The following ZNF532 variants were observed in gnomAD, a reference collection of about 807,000 sequenced individuals.
ZNF532 encodes the protein zinc finger protein 532.
Under a neutral mutation model 89.3 loss-of-function variants are expected in ZNF532, and 22 were observed. The ratio of observed to expected loss-of-function variants is 0.25; its 90% CI spans 0.18 to 0.35. ZNF532 has a LOEUF of 0.35. ZNF532 is among the 10% of genes least tolerant of loss of function. The pLI, the probability that ZNF532 is intolerant of heterozygous loss-of-function variation, is 1.00. For synonymous variants in ZNF532, 606 were observed against 649.6 expected (o/e 0.93, Z 1.02); for missense variants, 1,132 against 1,643.4 (o/e 0.69, Z 5.38).
chr18:58,918,025 G>T (rs1476388099), intron 2 of ZNF532, among the ~76,000 whole-genome samples: 1 of 152,134 alleles, frequency 6.6e-6, no homozygotes, highest in African/African-American at 2.4e-5. Flanking sequence ...TGTTAGCTGG[G>T]AGCCACGCTG....
At position 58,985,763 on chromosome 18, in the gene ZNF532, G is replaced by A. The variant is rs948049874; in HGVS notation, c.*1297G>A. The A allele has an allele frequency of 8.7e-6, 1 of 114,526 alleles. No individual in the cohort carries two copies. The highest frequency in any genetic ancestry group is 3.4e-5 in the African/African-American group (1 of 29,032). The allele number at this position is 114,526 out of a possible 1,614,324, so 7.1% of individuals were successfully genotyped here. On this transcript the variant is annotated 3_prime_UTR_variant, in exon 10 of 10. Coordinates refer to ENST00000591808, the MANE Select transcript of ZNF532 (RefSeq NM_001375912.1). ...TTGTATTTATCCCTGAACATGTTTT[G>A]TACCTTTTTTTTTTTTTTTTTTAAG...
rs2068240448 is a variant in ZNF532, at chr18:58,984,815, T to C, written c.*349T>C. On this transcript the variant is annotated 3_prime_UTR_variant, in exon 10 of 10. Transcript: ENST00000591808. ...CTTAGTAACAGGGGCAGTTCCTGAA[T>C]TCAAATAAACCATTTTGTATGTTTG... The C allele has an allele frequency of 5.8e-6, 1 of 171,218 alleles. No individual in the cohort carries two copies. The highest frequency in any genetic ancestry group is 1.3e-5 in the Non-Finnish European group (1 of 78,806). The allele number at this position is 171,218 out of a possible 1,614,324, so 10.6% of individuals were successfully genotyped here.
At chr18:58,981,250 A>G (rs558819972) in intron 8 of ZNF532, 22 of 566,482 alleles carry the variant, frequency 3.9e-5, no homozygotes, top group Non-Finnish European at 6.6e-5. Context: ...ACTTCTTTTG[A>G]AATGCAATAT....
intron 2 of ZNF532, among the ~76,000 whole-genome samples, chr18:58,869,474 A>G (rs966579789): frequency 2.0e-5 from 3 of 152,372 alleles, no homozygotes; most frequent in Non-Finnish European, 4.4e-5. Flanking sequence ...AACATTTGGC[A>G]GTCTAATTTT....
intron 6 of ZNF532, among the ~76,000 whole-genome samples, chr18:58,950,861 C>T (rs894837092): frequency 6.6e-6 from 1 of 152,198 alleles, no homozygotes; most frequent in African/African-American, 2.4e-5. Context: ...CCAGGCTGAA[C>T]CTCTGGTCTC....
In ZNF532 at chr18:58,981,493, C is replaced by T; in HGVS notation, c.3287C>T (p.Thr1096Ile). Residue 1096 changes from threonine to isoleucine, a missense_variant, in exon 9 of 10, where the codon ACC becomes ATC. Thr to Ile is a moderately conservative substitution (Grantham distance 89). Around this residue, in one of 9 missense-constraint regions of ZNF532, gnomAD observed 415 missense variants for 604.8 expected, o/e 0.69. Transcript: ENST00000591808. ...ACSHCPDSRR[T>I]FTKRLMLEKH... ...AGGCACTGCCCAGACTCCAGACGTA[C>T]CTTTACCAAACGTTTGATGCTGGAG... The T allele has an allele frequency of 6.2e-7, 1 of 1,613,388 alleles. No homozygotes were observed. Among genetic ancestry groups the T allele is most frequent in the Non-Finnish European group, 8.5e-7 (1 of 1,179,954 alleles).
At chr18:58,923,526 C>G (rs1312636782) in intron 3 of ZNF532, among the ~76,000 whole-genome samples, 2 of 152,044 alleles carry the variant, frequency 1.3e-5, no homozygotes, top group South Asian at 4.2e-4. Context: ...ATCCTAGCCT[C>G]CACATGTGGC....
chr18:58,868,468 G>A (rs539082229), intron 2 of ZNF532, among the ~76,000 whole-genome samples: 85 of 152,188 alleles, frequency 5.6e-4, no homozygotes, highest in African/African-American at 1.8e-3. Context: ...TCCTCTTGCC[G>A]CCCCTCTGTA....
At position 58,934,416 on chromosome 18, in the gene ZNF532, C is replaced by G. The variant is rs1428900031; in HGVS notation, c.2347-17C>G. ...ACTTAGTAGGACCAACCCTGTTTCC[C>G]CCTTTGGTTTGTTTAGAAGACTTGC... On this transcript the variant is annotated splice_polypyrimidine_tract_variant and intron_variant, in intron 3 of 9. Transcript: ENST00000591808. The G allele has an allele frequency of 1.9e-6, 3 of 1,608,788 alleles. No homozygotes were observed. Among genetic ancestry groups the G allele is most frequent in the African/African-American group, 2.7e-5 (2 of 74,804 alleles).
At chr18:58,874,841 ATGTT>A (rs1731843378) in intron 2 of ZNF532, among the ~76,000 whole-genome samples, 1 of 152,048 alleles carries the variant, frequency 6.6e-6, no homozygotes, top group Non-Finnish European at 1.5e-5. Context: ...TTCGCTTCCC[ATGTT>A]TGTTTGACCA....
At chr18:58,881,428 C>T (rs1188402684) in intron 2 of ZNF532, among the ~76,000 whole-genome samples, 1 of 152,194 alleles carries the variant, frequency 6.6e-6, no homozygotes, top group Non-Finnish European at 1.5e-5. Flanking sequence ...CCACTGCACC[C>T]AGCCTGTTTT....
intron 6 of ZNF532, among the ~76,000 whole-genome samples, chr18:58,952,121 G>A (rs1002415868): frequency 2.0e-5 from 3 of 152,356 alleles, no homozygotes. Context: ...TTGAGAAAAT[G>A]TGATGGAGAG....
At position 58,953,709 on chromosome 18, in the gene ZNF532, G is replaced by A. The variant is rs2064454589; in HGVS notation, c.3060G>A (p.Val1020=). The change falls in exon 7 of 10, where the codon GTG becomes GTA. Residue 1020 remains valine, a synonymous_variant. Transcript: ENST00000591808. ...AAAAATCAATGGAAACCAAGAAAGT[G>A]GCCAGTCCTGGGTGGACGTGTTGGG... is the stretch of plus-strand genomic sequence containing the variant. ...PVKKSMETKK[V]ASPGWTCWEC... 6.2e-7 allele frequency: 1 copy of A among 1,614,072 alleles called. No individual in the cohort carries two copies. Among genetic ancestry groups the A allele is most frequent in the Non-Finnish European group, 8.5e-7 (1 of 1,179,934 alleles).
chr18:58,959,504 G>A (rs1228502510), intron 7 of ZNF532, among the ~76,000 whole-genome samples: 2 of 151,874 alleles, frequency 1.3e-5, no homozygotes, highest in Non-Finnish European at 2.9e-5. Flanking sequence ...TGTCTACCTC[G>A]GCCTCCCAAA....
At chr18:58,866,227 T>G (rs955171852) in intron 2 of ZNF532, among the ~76,000 whole-genome samples, 1 of 152,200 alleles carries the variant, frequency 6.6e-6, no homozygotes, top group African/African-American at 2.4e-5. Context: ...GCCTGTTAAC[T>G]CAAAGCTGTA....
intron 2 of ZNF532, among the ~76,000 whole-genome samples, chr18:58,885,758 G>A (rs1309244359): frequency 1.3e-5 from 2 of 151,736 alleles, no homozygotes; most frequent in Non-Finnish European, 2.9e-5. Flanking sequence ...GGAGGCTGAG[G>A]CAGGAGAATC....
Position 58,919,252 on chromosome 18 carries a change from A to G in ZNF532, c.965A>G (p.Asp322Gly), listed in dbSNP as rs763230672. 3.0e-5 allele frequency: 48 copies of G among 1,614,068 alleles called. No homozygotes were observed. The highest frequency in any genetic ancestry group is 4.0e-5 in the Non-Finnish European group (47 of 1,179,952). ...DKSPESQNLI[D>G]GTKKPSLKQP... The stretch of plus-strand genomic sequence containing the variant: ...TCTCCTGAATCCCAGAATCTCATCG[A>G]CGGGACCAAAAAACCATCCCTGAAG... The change falls in exon 3 of 10, where the codon GAC becomes GGC. Residue 322 changes from aspartate (D) to glycine (G), a missense_variant. Transcript: ENST00000591808. This position sits in a 1 kb window ranked among gnomAD's most constrained non-coding sequence, Gnocchi z 6.1.
chr18:58,951,104 C>T lies in ZNF532; in HGVS notation c.2869-2414C>T, dbSNP rs367686624. On this transcript the variant is annotated intron_variant, in intron 6 of 9. Transcript: ENST00000591808. ...CCGAATAGCTGAGACTACAGGCATG[C>T]GCCACCACGCCTGGCCGATTTTTGT... Among the ~76,000 whole-genome samples, 416 of 152,126 alleles carry T rather than the reference C, an allele frequency of 2.7e-3. 2 individuals are homozygous for T. The highest frequency in any genetic ancestry group is 9.1e-3 in the African/African-American group (377 of 41,506).
intron 2 of ZNF532, among the ~76,000 whole-genome samples, chr18:58,882,607 A>G (rs930140641): frequency 2.0e-5 from 3 of 152,012 alleles, no homozygotes; most frequent in Non-Finnish European, 4.4e-5. Flanking sequence ...ATTCCTGGCT[A>G]ATTATTATTT....
Sources: allele counts gnomAD v4.1 joint callset (sites outside exome capture counted in the v4.1 genomes callset), GRCh38; gene constraint gnomAD v4.1.1; regional missense constraint gnomAD v4.1.1; non-coding constraint Gnocchi (gnomAD v3.1); transcripts MANE v1.5; gene names NCBI Gene and HGNC (gene_info 2026-07-23, HGNC 2026-07-21).